UFL1: variants seen among roughly 807,000 people sequenced by gnomAD.
UFL1 encodes the protein E3 UFM1-protein ligase 1.
UFL1 carries 78 observed loss-of-function variants against 99.3 expected under a neutral mutation model. That is an observed-to-expected ratio of 0.79 (90% CI 0.65 to 0.95). UFL1 has a LOEUF of 0.95. Among genes scored for constraint, UFL1 ranks in the 40% least tolerant of loss-of-function variants. UFL1 has a pLI of 0.00. For synonymous variants in UFL1, 335 were observed against 322.2 expected (o/e 1.04, Z -0.42); for missense variants, 936 against 937.0 (o/e 1.00, Z 0.01).
Position 96,551,487 on chromosome 6 carries a change from A to C in UFL1, c.1873A>C (p.Lys625Gln). 5.2e-6 allele frequency: 8 copies of C among 1,537,918 alleles called. No homozygotes were observed. The highest frequency in any genetic ancestry group is 6.1e-6 in the Non-Finnish European group (7 of 1,139,736). ...LSEETKVALTKLHNSLNEKSI... is the reference protein window; with the variant it reads ...LSEETKVALTQLHNSLNEKSI... ...AGAAGAAACCAAAGTAGCTCTTACAAAACTCCATAACTCTCTGAATGAAAA... is the reference window on the plus strand; with the variant it reads ...AGAAGAAACCAAAGTAGCTCTTACACAACTCCATAACTCTCTGAATGAAAA... The change falls in exon 16 of 19, where the codon AAA (lysine) becomes CAA (glutamine). Residue 625 changes from lysine (K) to glutamine (Q), a missense_variant. By Grantham distance (53) the Lys-to-Gln change is moderately conservative. Coordinates refer to ENST00000369278, the MANE Select transcript of UFL1 (RefSeq NM_015323.5).
At chr6:96,534,921 A>G (rs1280541029) in intron 7 of UFL1, among the ~76,000 whole-genome samples, 1 of 151,958 alleles carries the variant, frequency 6.6e-6, no homozygotes, top group East Asian at 1.9e-4. Flanking sequence ...GAAAAGAAAT[A>G]TCAAGTATTG....
rs768835105 is a variant in UFL1, at chr6:96,521,845, C to T, written c.-29C>T. 1.1e-5 allele frequency: 17 copies of T among 1,603,172 alleles called. No homozygotes were observed. The highest frequency in any genetic ancestry group is 3.4e-5 in the Admixed American group (2 of 59,102). On this transcript the variant is annotated 5_prime_UTR_variant, in exon 1 of 19. Transcript: ENST00000369278. ...CCTGTCGGCTGACGTGTCTGCAGTT[C>T]CTCCGCGTCTACTGCGAGTCAGGCC...
At position 96,536,267 on chromosome 6, in the gene UFL1, A is replaced by G; in HGVS notation, c.679A>G (p.Ser227Gly). The G allele has an allele frequency of 6.2e-7, 1 of 1,609,914 alleles. No homozygotes were observed. Among genetic ancestry groups the G allele is most frequent in the Non-Finnish European group, 8.5e-7 (1 of 1,177,064 alleles). The change falls in exon 8 of 19, where the codon AGC becomes GGC. Residue 227 changes from serine (S) to glycine (G), a missense_variant. Ser to Gly is a moderately conservative substitution (Grantham distance 56). Coordinates refer to ENST00000369278, the MANE Select transcript of UFL1 (RefSeq NM_015323.5). ...LYSVLEELVN[S>G]GRLRGTVVGG... is the part of the protein sequence containing the mutation. ...AGCTGTGCTTGAGGAACTTGTTAAT[A>G]GCGGACGCTTACGAGGCACTGTGGT...
chr6:96,548,995 C>G (rs1770038952), intron 13 of UFL1, among the ~76,000 whole-genome samples: 1 of 151,450 alleles, frequency 6.6e-6, no homozygotes, highest in Non-Finnish European at 1.5e-5. Flanking sequence ...GAAATAGTTA[C>G]TACTAATCAT....
At chr6:96,522,133 T>A (rs977947614) in intron 1 of UFL1, among the ~76,000 whole-genome samples, 183 bp downstream of exon 1, 21 of 152,044 alleles carry the variant, frequency 1.4e-4, no homozygotes, top group African/African-American at 4.8e-4. Context: ...GGCGGGAAAG[T>A]CCTCAGCCTA....
chr6:96,538,565 A>G, intron 9 of UFL1, 66 bp from the exon 10 acceptor site: 4 of 1,466,676 alleles, frequency 2.7e-6, no homozygotes, highest in East Asian at 2.4e-5. Flanking sequence ...ATATATGTAT[A>G]TAGCAAATGG....
rs1399653107 is a variant in UFL1, at chr6:96,542,981, A to T, written c.1367A>T (p.Asp456Val). The T allele has an allele frequency of 1.3e-6, 2 of 1,598,388 alleles. No homozygotes were observed. Among genetic ancestry groups the T allele is most frequent in the African/African-American group, 2.7e-5 (2 of 73,848 alleles). The change falls in exon 12 of 19, where the codon GAT becomes GTT. Residue 456 changes from aspartate to valine, a missense_variant. By Grantham distance (152) the Asp-to-Val change is radical. Coordinates refer to ENST00000369278, the MANE Select transcript of UFL1 (RefSeq NM_015323.5). Reference protein sequence around the residue: ...KKVKKKGRKDDDSDDESQSSH... With the variant: ...KKVKKKGRKDVDSDDESQSSH... ...GTCAAGAAGAAAGGAAGAAAAGATG[A>T]TGATAGTGATGATGAATCTCAATCA...
chr6:96,546,972 A>G (rs889777492), intron 12 of UFL1, among the ~76,000 whole-genome samples: 7 of 151,728 alleles, frequency 4.6e-5, no homozygotes, highest in African/African-American at 1.7e-4. Context: ...CAAATGCACC[A>G]AAACCAAAAA....
intron 7 of UFL1, 84 bp downstream of exon 7, chr6:96,534,405 C>A: frequency 9.1e-7 from 1 of 1,100,450 alleles, no homozygotes. Flanking sequence ...ATGTTTTTTC[C>A]TCTTTTATTG....
chr6:96,551,471 C>T lies in UFL1; in HGVS notation c.1857C>T (p.Thr619=). 2 of 1,533,858 alleles carry T rather than the reference C, an allele frequency of 1.3e-6. No individual in the cohort carries two copies. The highest frequency in any genetic ancestry group is 1.8e-6 in the Non-Finnish European group (2 of 1,138,632). ...TTTTAAGTAAATTATCAGAAGAAAC[C>T]AAAGTAGCTCTTACAAAACTCCATA... ...KKILSKLSEE[T]KVALTKLHNS... is the part of the protein sequence containing the mutation. The change falls in exon 16 of 19, where the codon ACC becomes ACT. Residue 619 remains threonine, a synonymous_variant. Transcript: ENST00000369278.
intron 9 of UFL1, 137 bp from the exon 10 acceptor site, chr6:96,538,494 G>T (rs927745851): frequency 2.8e-6 from 2 of 710,876 alleles, no homozygotes; most frequent in Admixed American, 3.0e-5. Context: ...TAATTTGGAG[G>T]TTATCGGCAT....
chr6:96,533,282 C>T (rs1303521756), intron 6 of UFL1, among the ~76,000 whole-genome samples: 3 of 151,462 alleles, frequency 2.0e-5, no homozygotes, highest in South Asian at 2.1e-4. Context: ...AAACATTCAT[C>T]GATACAAAGT....
chr6:96,537,432 A>G lies in UFL1; in HGVS notation c.861A>G (p.Arg287=). The G allele has an allele frequency of 6.2e-7, 1 of 1,608,206 alleles. No individual in the cohort carries two copies. The highest frequency in any genetic ancestry group is 8.5e-7 in the Non-Finnish European group (1 of 1,177,290). The change falls in exon 9 of 19, where the codon AGA becomes AGG. Residue 287 remains arginine (R), a synonymous_variant. Coordinates refer to ENST00000369278, the MANE Select transcript of UFL1 (RefSeq NM_015323.5). ...ATGCTGTAAGCTACATAAAGAAAAGATATAAGACTACACAACTCTTGTTTT... is the reference window on the plus strand; with the variant it reads ...ATGCTGTAAGCTACATAAAGAAAAGGTATAAGACTACACAACTCTTGTTTT... ...IPDAVSYIKK[R]YKTTQLLFLK...
intron 6 of UFL1, among the ~76,000 whole-genome samples, chr6:96,531,176 A>G (rs1025610208): frequency 6.6e-6 from 1 of 152,190 alleles, no homozygotes; most frequent in African/African-American, 2.4e-5. Flanking sequence ...TCCGTGCAAA[A>G]TTTGTCTTCC....
chr6:96,553,532 A>G lies in UFL1; in HGVS notation c.*29A>G, dbSNP rs760069309. 2.5e-6 allele frequency: 4 copies of G among 1,597,904 alleles called. No homozygotes were observed. The East Asian group carries it at 9.0e-5, about 36-fold the overall frequency. ...TCTTAATTTACATTTGTCATATAGT[A>G]AGCATTTTCCCCCAAGGTTGAAGGT... On this transcript the variant is annotated 3_prime_UTR_variant, in exon 19 of 19. Transcript: ENST00000369278.
chr6:96,549,306 AT>A (rs1274585199), intron 13 of UFL1, 105 bp from the exon 14 acceptor site: 43 of 884,380 alleles, frequency 4.9e-5, no homozygotes, highest in Non-Finnish European at 6.6e-5. Context: ...GCATAAAAAA[AT>A]AGAGATTTCT....
intron 10 of UFL1, among the ~76,000 whole-genome samples, chr6:96,539,903 CAAA>C (rs1354159184): frequency 7.9e-5 from 12 of 151,258 alleles, no homozygotes; most frequent in Admixed American, 7.9e-4. Context: ...TTTAGAAAAA[CAAA>C]AAGGAAATAA....
intron 13 of UFL1, among the ~76,000 whole-genome samples, chr6:96,549,122 C>G (rs1035057632): frequency 2.0e-5 from 3 of 151,406 alleles, no homozygotes; most frequent in Non-Finnish European, 3.0e-5. Context: ...GTCTACTAGT[C>G]TCCAAATTAA....
At position 96,537,291 on chromosome 6, in the gene UFL1, G is replaced by A. The variant is rs149852517; in HGVS notation, c.803-83G>A. 6.5e-5 allele frequency: 81 copies of A among 1,248,416 alleles called. No homozygotes were observed. In the African/African-American group the frequency reaches 1.1e-3, roughly 17 times the overall value. 77.3% of individuals were successfully genotyped at this position (1,248,416 alleles called of 1,614,324 possible). A position where few individuals can be genotyped will look rare whatever the true frequency, so the allele number is the denominator to read the frequency against. ...GTAGACATCTCTAATAACTTTATTG[G>A]CTATAACTTTTAAGTCTTTATTTTT... On this transcript the variant is annotated intron_variant, in intron 8 of 18. Transcript: ENST00000369278.
Sources: gnomAD v4.1 joint callset for allele counts (sites outside exome capture counted in the v4.1 genomes callset) on GRCh38, gnomAD v4.1.1 for gene constraint, MANE v1.5 for transcripts, NCBI Gene and HGNC (gene_info 2026-07-23, HGNC 2026-07-21) for gene names.